Variants in TRIO observed in about 807,000 individuals in gnomAD.
TRIO encodes the protein trio Rho guanine nucleotide exchange factor, also known as triple functional domain protein.
A neutral mutation model predicts 351.9 loss-of-function variants in TRIO; 58 were observed. The ratio of observed to expected loss-of-function variants is 0.16; its 90% CI spans 0.13 to 0.21. TRIO has a LOEUF of 0.21. Among genes scored for constraint, TRIO ranks in the 10% least tolerant of loss-of-function variants. TRIO has a pLI of 1.00. For missense variants in TRIO, 3,201 were observed against 4,027.8 expected, an observed-to-expected ratio of 0.79 and a Z score of 5.56; for synonymous variants, 1,758 against 1,595.7, an observed-to-expected ratio of 1.10 and a Z score of -2.42.
rs747896426 is a variant in TRIO, at chr5:14,366,987, C to T, written c.2874+8C>T. 2.5e-5 allele frequency: 41 copies of T among 1,613,736 alleles called. No individual in the cohort carries two copies. The highest frequency in any genetic ancestry group is 3.3e-5 in the Admixed American group (2 of 59,992). Reference sequence around the variant, plus strand: ...TTCCAGCATGCCATTGAGGTAAGGGCGCTGGGCCTGCCTGTGTGTTGGCTC... The same window carrying T: ...TTCCAGCATGCCATTGAGGTAAGGGTGCTGGGCCTGCCTGTGTGTTGGCTC... On this transcript the variant is annotated splice_region_variant and intron_variant, in intron 16 of 56. Coordinates refer to ENST00000344204, the MANE Select transcript of TRIO (RefSeq NM_007118.4).
intron 4 of TRIO, among the ~76,000 whole-genome samples, chr5:14,287,359 A>C (rs1184445166): frequency 3.3e-5 from 5 of 152,182 alleles, no homozygotes; most frequent in Non-Finnish European, 7.3e-5. Context: ...ATTTCACTTG[A>C]CAAACAGCTT....
At chr5:14,427,476 G>C (rs1462548960) in intron 34 of TRIO, among the ~76,000 whole-genome samples, 1 of 152,138 alleles carries the variant, frequency 6.6e-6, no homozygotes, top group Non-Finnish European at 1.5e-5. Context: ...CAGCACGGGG[G>C]ATACGCCGGT....
In TRIO at chr5:14,196,280, G is replaced by A. The variant is rs866080663; in HGVS notation, c.157+52398G>A. ...TCTACTAAAAATACAAAAATTAGCT[G>A]GGCGTGGTGGCGTGCTCCTGTAATC... is the stretch of plus-strand genomic sequence containing the variant. On this transcript the variant is annotated intron_variant, in intron 1 of 56. Coordinates refer to ENST00000344204, the MANE Select transcript of TRIO (RefSeq NM_007118.4). Among the ~76,000 whole-genome samples, 26 of 152,062 alleles carry A rather than the reference G, an allele frequency of 1.7e-4. No individual in the cohort carries two copies. The South Asian group carries it at 1.9e-3, about 11-fold the overall frequency.
At chr5:14,360,673 T>C (rs1744069183) in intron 13 of TRIO, among the ~76,000 whole-genome samples, 1 of 152,250 alleles carries the variant, frequency 6.6e-6, no homozygotes, top group Admixed American at 6.5e-5. Flanking sequence ...GCCGTGTGGC[T>C]TCCCCTGGGC....
chr5:14,475,762 G>A (rs1755028340), intron 40 of TRIO, among the ~76,000 whole-genome samples: 1 of 152,204 alleles, frequency 6.6e-6, no homozygotes, highest in South Asian at 2.1e-4. Flanking sequence ...GGCTGTGAAG[G>A]GAAGCTGAAA....
At chr5:14,191,814 A>G (rs369791146) in intron 1 of TRIO, among the ~76,000 whole-genome samples, 10 of 152,358 alleles carry the variant, frequency 6.6e-5, no homozygotes, top group African/African-American at 2.2e-4. Context: ...TGTGGTTCTT[A>G]ATAAATTGTC....
At chr5:14,462,361 A>G (rs1753893044) in intron 35 of TRIO, among the ~76,000 whole-genome samples, 1 of 152,224 alleles carries the variant, frequency 6.6e-6, no homozygotes, top group African/African-American at 2.4e-5. Flanking sequence ...TTATGCCCTT[A>G]TTATTTCAGT....
intron 43 of TRIO, among the ~76,000 whole-genome samples, chr5:14,480,951 T>C (rs1483525508): frequency 4.0e-5 from 6 of 151,718 alleles, no homozygotes; most frequent in African/African-American, 1.5e-4. Flanking sequence ...CTGGACAACA[T>C]AGTGAGAGCT....
chr5:14,488,059 C>A lies in TRIO; in HGVS notation c.7431C>A (p.Ser2477Arg), dbSNP rs772892807. The A allele has an allele frequency of 1.2e-6, 2 of 1,609,804 alleles. No homozygotes were observed. The highest frequency in any genetic ancestry group is 1.7e-6 in the Non-Finnish European group (2 of 1,178,970). The change falls in exon 48 of 57, where the codon AGC (serine) becomes AGA (arginine). Residue 2477 changes from serine to arginine, a missense_variant. This residue lies in a region of TRIO where 1,089 missense variants were observed against 954.9 expected (regional missense o/e 1.14). Transcript: ENST00000344204. ...GCAAGGAGCCCTTCCCCCCCAGCAG[C>A]CCCCTGCAGAAGGGGGGCTCCTTCT... ...SLGKEPFPPS[S>R]PLQKGGSFWS... is the part of the protein sequence containing the mutation.
chr5:14,367,107 C>T lies in TRIO; in HGVS notation c.2874+128C>T, dbSNP rs569036573. ...GCTTGGTAAAGACGACTCAGAGGAC[C>T]CAAATTGGCAACGCTTCTAAGTCTG... On this transcript the variant is annotated intron_variant, in intron 16 of 56. Transcript: ENST00000344204. 4.5e-6 allele frequency: 6 copies of T among 1,328,816 alleles called. 1 individual carries two copies. The South Asian group carries it at 9.0e-5, about 20-fold the overall frequency. 82.3% of individuals were successfully genotyped at this position (1,328,816 alleles called of 1,614,324 possible). A position where few individuals can be genotyped will look rare whatever the true frequency, so the allele number is the denominator to read the frequency against.
At chr5:14,437,687 C>CCT (rs1751697346) in intron 34 of TRIO, among the ~76,000 whole-genome samples, 1 of 104,590 alleles carries the variant, frequency 9.6e-6, no homozygotes, top group African/African-American at 5.0e-5. Context: ...ATGAGGACCA[C>CCT]CCCCCCCGCC....
At chr5:14,198,070 G>A (rs560277268) in intron 1 of TRIO, among the ~76,000 whole-genome samples, 7 of 152,222 alleles carry the variant, frequency 4.6e-5, no homozygotes, top group South Asian at 2.1e-4. Context: ...AGAGACCCAC[G>A]GAGAATTATC....
chr5:14,448,481 G>A lies in TRIO; in HGVS notation c.5204-12538G>A, dbSNP rs893515440. Among the ~76,000 whole-genome samples the A allele has an allele frequency of 6.8e-4, 103 of 152,244 alleles. 1 individual carries two copies. Among genetic ancestry groups the A allele is most frequent in the Non-Finnish European group, 3.4e-4 (23 of 68,040 alleles). On this transcript the variant is annotated intron_variant, in intron 34 of 56. Transcript: ENST00000344204. ...TCATGCAGGAGAGGTGCAGGGAACC[G>A]GATCTCCCCTGACCTCTGCTGTCAG...
intron 34 of TRIO, among the ~76,000 whole-genome samples, chr5:14,424,334 A>G (rs1750456575): frequency 6.6e-6 from 1 of 152,122 alleles, no homozygotes; most frequent in Non-Finnish European, 1.5e-5. Context: ...CTAGAAGAAA[A>G]CACCCACTTA....
chr5:14,282,402 A>T (rs538617370), intron 3 of TRIO, among the ~76,000 whole-genome samples: 1 of 152,324 alleles, frequency 6.6e-6, no homozygotes, highest in South Asian at 2.1e-4. Context: ...CTAAAGTTGA[A>T]TTTGATATTC....
chr5:14,297,730 C>G (rs1003232031), intron 7 of TRIO, among the ~76,000 whole-genome samples: 11 of 152,158 alleles, frequency 7.2e-5, no homozygotes, highest in Admixed American at 2.0e-4. Flanking sequence ...AGTTTTCTCA[C>G]AAACTGCGAA....
At chr5:14,445,286 C>T (rs1752356404) in intron 34 of TRIO, among the ~76,000 whole-genome samples, 1 of 152,248 alleles carries the variant, frequency 6.6e-6, no homozygotes, top group East Asian at 1.9e-4. Context: ...TAATTTTTTG[C>T]AATTCTCATA....
intron 1 of TRIO, among the ~76,000 whole-genome samples, chr5:14,233,348 G>C (rs547640126): frequency 2.0e-4 from 29 of 141,892 alleles, no homozygotes; most frequent in Non-Finnish European, 6.2e-5. Flanking sequence ...AAATTAGCCC[G>C]GTGTGGTGGT....
At chr5:14,451,662 T>C (rs1752859746) in intron 34 of TRIO, among the ~76,000 whole-genome samples, 1 of 152,242 alleles carries the variant, frequency 6.6e-6, no homozygotes, top group South Asian at 2.1e-4. Flanking sequence ...TCAAATAGTC[T>C]GATGGAGTTA....
Sources: allele counts gnomAD v4.1 joint callset (sites outside exome capture counted in the v4.1 genomes callset), GRCh38; gene constraint gnomAD v4.1.1; regional missense constraint gnomAD v4.1.1; transcripts MANE v1.5; gene names NCBI Gene and HGNC (gene_info 2026-07-23, HGNC 2026-07-21).